Variants in AXIN1 observed in about 807,000 individuals in gnomAD.
AXIN1 encodes the protein axin-1.
Under a neutral mutation model 76.4 loss-of-function variants are expected in AXIN1, and 30 were observed. That is an observed-to-expected ratio of 0.39 (90% CI 0.29 to 0.53). The LOEUF is 0.53. Among genes scored for constraint, AXIN1 ranks in the 20% least tolerant of loss-of-function variants. The probability of loss-of-function intolerance (pLI) is 0.66; values close to 1 mark genes in which losing one functional copy is unlikely to be tolerated. For missense variants in AXIN1, 1,140 were observed against 1,198.8 expected, an observed-to-expected ratio of 0.95 and a Z score of 0.72; for synonymous variants, 545 against 501.4, an observed-to-expected ratio of 1.09 and a Z score of -1.16.
Position 310,021 on chromosome 16 carries a change from C to T in AXIN1, c.1068G>A (p.Met356Ile), listed in dbSNP as rs2141573433. The change falls in exon 4 of 11, where the codon ATG becomes ATA. Residue 356 changes from methionine to isoleucine, a missense_variant. Transcript: ENST00000262320. ...GCCCATTGACCTGCACGCTCTCCTG[C>T]ATCTCCCTGCGGTGCTGCTTACGGA... ...YRIRKQHRRE[M>I]QESVQVNGRV... 2.5e-6 allele frequency: 4 copies of T among 1,613,462 alleles called. No individual in the cohort carries two copies. In the South Asian group the frequency reaches 3.3e-5, roughly 13 times the overall value.
At position 314,555 on chromosome 16, in the gene AXIN1, G is replaced by C. The variant is rs534120185; in HGVS notation, c.1007C>G (p.Thr336Arg). ...LSSDADTLSL[T>R]DSSVDGIPPY... ...GGGCGGGACTTACACGCTGCTGTCC[G>C]TGAGGGACAGGGTGTCTGCATCGCT... is the stretch of plus-strand genomic sequence containing the variant. Residue 336 changes from threonine (T) to arginine (R), a missense_variant, in exon 3 of 11, where the codon ACG becomes AGG. This residue lies in a region of AXIN1 where 708 missense variants were observed against 776.9 expected (regional missense o/e 0.91). Coordinates refer to ENST00000262320, the MANE Select transcript of AXIN1 (RefSeq NM_003502.4). 3 of 1,613,784 alleles carry C rather than the reference G, an allele frequency of 1.9e-6. 1 individual carries two copies. In the South Asian group the frequency reaches 3.3e-5, roughly 18 times the overall value.
Position 304,306 on chromosome 16 carries a change from T to A in AXIN1, c.1252A>T (p.Met418Leu). 3 of 1,611,066 alleles carry A rather than the reference T, an allele frequency of 1.9e-6. No individual in the cohort carries two copies. The highest frequency in any genetic ancestry group is 2.5e-6 in the Non-Finnish European group (3 of 1,179,364). Reference protein sequence around the residue: ...KLEERLKRVRMEEEGEDGDPS... With the variant: ...KLEERLKRVRLEEEGEDGDPS... ...CGACACCGACGCGGCCCACTCACCA[T>A]GCGCACGCGCTTCAGCCGCTCCTCC... The change falls in exon 5 of 11, where the codon ATG (methionine) becomes TTG (leucine). Residue 418 changes from methionine to leucine, a missense_variant and splice_region_variant. By Grantham distance (15) the Met-to-Leu change is conservative. Around this residue, in one of 3 missense-constraint regions of AXIN1, gnomAD observed 708 missense variants for 776.9 expected, o/e 0.91. Transcript: ENST00000262320.
At chr16:329,349 GA>G (rs1232320018) in intron 2 of AXIN1, among the ~76,000 whole-genome samples, 1 of 149,384 alleles carries the variant, frequency 6.7e-6, no homozygotes, top group African/African-American at 2.5e-5. Context: ...CATTTTTGAT[GA>G]AAAAAATGTG....
chr16:315,655 G>C (rs1013057201), intron 2 of AXIN1, among the ~76,000 whole-genome samples: 2 of 151,876 alleles, frequency 1.3e-5, no homozygotes, highest in African/African-American at 4.8e-5. Flanking sequence ...GTGAAACCCC[G>C]TCTCTACTAA....
intron 2 of AXIN1, among the ~76,000 whole-genome samples, chr16:341,713 T>G (rs1206627940): frequency 2.6e-5 from 4 of 152,256 alleles, no homozygotes. Context: ...CTCCTGATTC[T>G]GGTGGGGACG....
At chr16:326,523 C>T (rs893731225) in intron 2 of AXIN1, among the ~76,000 whole-genome samples, 4 of 150,508 alleles carry the variant, frequency 2.7e-5, no homozygotes, top group East Asian at 4.0e-4. Context: ...CCAAGGCGGG[C>T]GGATCATGAG....
At chr16:295,178 T>A (rs1366639297) in intron 7 of AXIN1, among the ~76,000 whole-genome samples, 1 of 150,076 alleles carries the variant, frequency 6.7e-6, no homozygotes, top group East Asian at 2.0e-4. Context: ...GGATCTCGGC[T>A]CACTGCAATC....
At chr16:324,690 G>C (rs992932911) in intron 2 of AXIN1, among the ~76,000 whole-genome samples, 13 of 152,222 alleles carry the variant, frequency 8.5e-5, no homozygotes, top group Non-Finnish European at 1.9e-4. Context: ...TTTATACCAG[G>C]AGGAGGAGGG....
At chr16:300,598 G>A (rs1448511348) in intron 5 of AXIN1, among the ~76,000 whole-genome samples, 1 of 152,194 alleles carries the variant, frequency 6.6e-6, no homozygotes, top group Non-Finnish European at 1.5e-5. Context: ...GCGTGCCCCA[G>A]AGCTGGTGTG....
At chr16:296,950 C>T (rs2052726496) in intron 7 of AXIN1, 106 bp downstream of exon 7, 1 of 1,376,780 alleles carries the variant, frequency 7.3e-7, no homozygotes, top group African/African-American at 1.4e-5. Flanking sequence ...TGAGGCGTCA[C>T]AGGCGACACT....
chr16:299,685 T>TCG (rs2052816064), intron 5 of AXIN1, among the ~76,000 whole-genome samples: 1 of 147,190 alleles, frequency 6.8e-6, no homozygotes, highest in African/African-American at 2.5e-5. Context: ...AGACAGAGTC[T>TCG]CGCTCTGTCA....
At position 346,232 on chromosome 16, in the gene AXIN1, C is replaced by G. The variant is rs374640773; in HGVS notation, c.794G>C (p.Gly265Ala). The G allele has an allele frequency of 3.1e-6, 5 of 1,613,994 alleles. No individual in the cohort carries two copies. The African/African-American group carries it at 6.7e-5, about 22-fold the overall frequency. ...EDDGRDAAPPGRLPQKLLLET... is the reference protein window; with the variant it reads ...EDDGRDAAPPARLPQKLLLET... Reference sequence around the variant, plus strand: ...CAGGAGCAGCTTCTGAGGGAGTCTTCCGGGGGGAGCAGCGTCTCTGCCATC... The same window carrying G: ...CAGGAGCAGCTTCTGAGGGAGTCTTGCGGGGGGAGCAGCGTCTCTGCCATC... The change falls in exon 2 of 11, where the codon GGA becomes GCA. Residue 265 changes from glycine to alanine, a missense_variant. Transcript: ENST00000262320.
intron 9 of AXIN1, chr16:290,503 A>G (rs1046976562): frequency 1.3e-5 from 2 of 159,342 alleles, no homozygotes; most frequent in Admixed American, 5.8e-5. Flanking sequence ...AGGCTGCCCC[A>G]AGACCGCCTA....
chr16:304,095 T>C (rs940662289), intron 5 of AXIN1, among the ~76,000 whole-genome samples: 9 of 152,198 alleles, frequency 5.9e-5, no homozygotes, highest in Admixed American at 5.2e-4. Context: ...TCTGGGCCTC[T>C]GAGGGTGGCA....
intron 4 of AXIN1, among the ~76,000 whole-genome samples, chr16:308,229 C>T (rs1162389696): frequency 2.0e-5 from 3 of 152,162 alleles, no homozygotes; most frequent in Non-Finnish European, 2.9e-5. Flanking sequence ...GTGCTTCCCT[C>T]GGTTCTGGAA....
intron 5 of AXIN1, among the ~76,000 whole-genome samples, chr16:301,077 T>G (rs570896033): frequency 6.6e-6 from 1 of 152,050 alleles, no homozygotes; most frequent in Non-Finnish European, 1.5e-5. Flanking sequence ...GAGACCATCC[T>G]GGCTAACATG....
rs564973404 is a variant in AXIN1 at position 320,964 on chromosome 16, G to T, written c.879-6281C>A. 1.0e-3 allele frequency among the ~76,000 whole-genome samples: 155 copies of T among 151,912 alleles called. 1 individual carries two copies. The highest frequency in any genetic ancestry group is 1.5e-3 in the Non-Finnish European group (101 of 67,964). On this transcript the variant is annotated intron_variant, in intron 2 of 10. Coordinates refer to ENST00000262320, the MANE Select transcript of AXIN1 (RefSeq NM_003502.4). The stretch of plus-strand genomic sequence containing the variant: ...CGTGTTGGTCAGGCTGGTCTCGAAC[G>T]CCTGACCTTGTGATCTGCCCGCCTC...
intron 1 of AXIN1, 53 bp from the exon 2 acceptor site, chr16:347,159 C>G (rs1358280539): frequency 9.3e-6 from 14 of 1,502,104 alleles, no homozygotes; most frequent in Non-Finnish European, 1.3e-5. Context: ...CCATGAAACA[C>G]GACCAGAGGT....
intron 3 of AXIN1, among the ~76,000 whole-genome samples, chr16:311,493 T>C (rs1020883575): frequency 6.6e-6 from 1 of 151,040 alleles, no homozygotes; most frequent in Admixed American, 6.6e-5. Flanking sequence ...GCCTTCGGGC[T>C]GGGCGCAGTG....
Sources: gnomAD v4.1 joint callset for allele counts (sites outside exome capture counted in the v4.1 genomes callset) on GRCh38, gnomAD v4.1.1 for gene constraint, gnomAD v4.1.1 regional missense constraint, MANE v1.5 for transcripts, NCBI Gene and HGNC (gene_info 2026-07-23, HGNC 2026-07-21) for gene names.